The following TMEM232 variants were observed in gnomAD, a reference collection of about 807,000 sequenced individuals.
TMEM232 encodes the protein transmembrane protein 232.
Under a neutral mutation model 78.8 loss-of-function variants are expected in TMEM232, and 80 were observed. That is an observed-to-expected ratio of 1.01 (90% CI 0.85 to 1.22). The LOEUF (loss-of-function observed/expected upper bound fraction) is 1.22, where lower values mean the gene tolerates loss of function less well. TMEM232 is among the 50% of genes most tolerant of loss of function. TMEM232 has a pLI of 0.00. For missense variants in TMEM232, 881 were observed against 742.2 expected, an observed-to-expected ratio of 1.19 and a Z score of -2.17; for synonymous variants, 297 against 254.3, an observed-to-expected ratio of 1.17 and a Z score of -1.60.
At chr5:110,622,659 C>T (rs926108504) in intron 7 of TMEM232, among the ~76,000 whole-genome samples, 9 of 152,018 alleles carry the variant, frequency 5.9e-5, no homozygotes, top group Non-Finnish European at 1.0e-4. Flanking sequence ...CATACGTGTG[C>T]ATGTGTCTTT....
intron 12 of TMEM232, among the ~76,000 whole-genome samples, chr5:110,514,618 C>G (rs1768326511): frequency 6.6e-6 from 1 of 151,978 alleles, no homozygotes; most frequent in African/African-American, 2.4e-5. Context: ...GAAAAAAAAC[C>G]TATAAAATAA....
chr5:110,500,029 C>T (rs899043073), intron 12 of TMEM232, among the ~76,000 whole-genome samples: 12 of 152,000 alleles, frequency 7.9e-5, no homozygotes, highest in African/African-American at 2.4e-4. Flanking sequence ...CGGTGGCTCA[C>T]GCCTGTAATC....
At chr5:110,529,017 A>G (rs1334084802) in intron 11 of TMEM232, among the ~76,000 whole-genome samples, 182 bp from the exon 12 acceptor site, 6 of 152,220 alleles carry the variant, frequency 3.9e-5, no homozygotes, top group Non-Finnish European at 8.8e-5. Context: ...AAAAAGCAAA[A>G]CAGCAAATTT....
chr5:110,540,154 A>G (rs1370603325), intron 11 of TMEM232, among the ~76,000 whole-genome samples: 1 of 152,200 alleles, frequency 6.6e-6, no homozygotes, highest in Non-Finnish European at 1.5e-5. Flanking sequence ...TGTATGTAGC[A>G]GAGAGGAAAG....
At position 110,420,384 on chromosome 5, in the gene TMEM232, A is replaced by C. The variant is rs1561469936; in HGVS notation, c.*196T>G. 3.2e-5 allele frequency: 14 copies of C among 436,588 alleles called. No individual in the cohort carries two copies. Among genetic ancestry groups the C allele is most frequent in the Non-Finnish European group, 4.0e-5 (10 of 253,056 alleles). The allele number at this position is 436,588 out of a possible 1,614,324, so 27.0% of individuals were successfully genotyped here. ...AATCACTTCATTCAAGTGTGATTAA[A>C]AGTTGGTCATTAATTTAGAACTAAG... On this transcript the variant is annotated 3_prime_UTR_variant, in exon 14 of 14. Transcript: ENST00000455884.
At chr5:110,553,951 C>A (rs897479003) in intron 11 of TMEM232, among the ~76,000 whole-genome samples, 1 of 152,122 alleles carries the variant, frequency 6.6e-6, no homozygotes, top group African/African-American at 2.4e-5. Context: ...AATGTCTTTT[C>A]TGCATCTATT....
intron 8 of TMEM232, among the ~76,000 whole-genome samples, chr5:110,616,705 C>T (rs1284355730): frequency 2.6e-5 from 4 of 152,054 alleles, no homozygotes; most frequent in Non-Finnish European, 4.4e-5. Flanking sequence ...TGAAAATGTG[C>T]TCAACATCAC....
chr5:110,473,094 CAT>C (rs1457149875), intron 12 of TMEM232, among the ~76,000 whole-genome samples: 1 of 147,558 alleles, frequency 6.8e-6, no homozygotes, highest in East Asian at 2.0e-4. Context: ...TTATATCAAA[CAT>C]ATCAAACTAA....
At chr5:110,683,571 A>G (rs557451571) in intron 1 of TMEM232, among the ~76,000 whole-genome samples, 53 of 152,052 alleles carry the variant, frequency 3.5e-4, no homozygotes, top group African/African-American at 1.2e-3. Flanking sequence ...AATTATTTTT[A>G]TCATTATCTA....
intron 6 of TMEM232, among the ~76,000 whole-genome samples, chr5:110,626,059 G>A (rs1784387553): frequency 1.3e-5 from 2 of 151,968 alleles, no homozygotes; most frequent in Admixed American, 1.3e-4. Context: ...ATGTGGAGAG[G>A]TAGCAGCCGC....
chr5:110,698,219 A>T (rs1440962265), intron 1 of TMEM232, among the ~76,000 whole-genome samples: 2 of 150,748 alleles, frequency 1.3e-5, no homozygotes, highest in African/African-American at 4.9e-5. Context: ...TCTCACTCAT[A>T]GGTGGGAATG....
At chr5:110,459,459 ATAT>A (rs1224491112) in intron 12 of TMEM232, among the ~76,000 whole-genome samples, 1 of 152,198 alleles carries the variant, frequency 6.6e-6, no homozygotes, top group East Asian at 1.9e-4. Context: ...TGAATTAAAA[ATAT>A]TATGAGAGCA....
chr5:110,585,868 T>A (rs1477233802), intron 10 of TMEM232, among the ~76,000 whole-genome samples: 1 of 152,012 alleles, frequency 6.6e-6, no homozygotes, highest in Non-Finnish European at 1.5e-5. Flanking sequence ...GAAGTACTAA[T>A]GCAAACAAAA....
chr5:110,391,501 G>GA, intron 3 of TMEM232, among the ~76,000 whole-genome samples: 1 of 151,934 alleles, frequency 6.6e-6, no homozygotes, highest in Non-Finnish European at 1.5e-5. Context: ...TCATGTAACA[G>GA]AAAATATTAC....
intron 12 of TMEM232, among the ~76,000 whole-genome samples, chr5:110,523,975 G>GGC (rs1769974364): frequency 8.8e-6 from 1 of 114,254 alleles, no homozygotes; most frequent in Admixed American, 9.4e-5. Flanking sequence ...AAGGGGGGGG[G>GGC]GCGGGGGGGC....
At chr5:110,463,012 A>C (rs1486181201) in intron 12 of TMEM232, among the ~76,000 whole-genome samples, 1 of 152,234 alleles carries the variant, frequency 6.6e-6, no homozygotes. Flanking sequence ...TTAAATATCA[A>C]ATAAACTTAG....
chr5:110,593,026 G>A (rs1414686128), intron 10 of TMEM232, among the ~76,000 whole-genome samples: 1 of 152,034 alleles, frequency 6.6e-6, no homozygotes, highest in Non-Finnish European at 1.5e-5. Context: ...GATTGTTCTT[G>A]GATGTCATAC....
At chr5:110,447,335 C>T (rs1759772390) in intron 12 of TMEM232, among the ~76,000 whole-genome samples, 1 of 151,968 alleles carries the variant, frequency 6.6e-6, no homozygotes, top group South Asian at 2.1e-4. Context: ...TAAAAGCCTA[C>T]CAGAGACTAG....
chr5:110,412,567 C>CTT (rs66505851), intron 2 of TMEM232, among the ~76,000 whole-genome samples: 314 of 147,854 alleles, frequency 2.1e-3, no homozygotes, highest in African/African-American at 4.7e-3. Context: ...TAGCCAAACT[C>CTT]TTTTTTTTTT....
Sources: allele counts gnomAD v4.1 joint callset (sites outside exome capture counted in the v4.1 genomes callset), GRCh38; gene constraint gnomAD v4.1.1; transcripts MANE v1.5; gene names NCBI Gene and HGNC (gene_info 2026-07-23, HGNC 2026-07-21).